Variants in PLCH2 observed in about 807,000 individuals in gnomAD.
PLCH2 encodes 1-phosphatidylinositol 4,5-bisphosphate phosphodiesterase eta-2.
PLCH2 carries 98 observed loss-of-function variants against 134.7 expected under a neutral mutation model. The observed-to-expected ratio is 0.73, with a 90% CI of 0.62 to 0.86. The LOEUF is 0.86. Ranked by LOEUF, PLCH2 falls within the 40% of genes least tolerant of loss-of-function variation. The pLI is 0.00. For synonymous variants in PLCH2, 974 were observed against 827.5 expected, an observed-to-expected ratio of 1.18 and a Z score of -3.04; for missense variants, 1,994 against 1,986.6, an observed-to-expected ratio of 1.00 and a Z score of -0.07.
At chr1:2,459,488 C>G (rs148641961) in intron 2 of PLCH2, among the ~76,000 whole-genome samples, 1,186 of 7,858 alleles carry the variant, frequency 0.15, 225 homozygotes, top group East Asian at 0.24. Context: ...GGTCCTCCTT[C>G]CTGGTGGTCC....
chr1:2,471,676 G>A (rs1200787682), upstream of PLCH2, among the ~76,000 whole-genome samples: 1 of 152,194 alleles, frequency 6.6e-6, no homozygotes, highest in African/African-American at 2.4e-5. Context: ...GGTGGAAGGT[G>A]GAGGGCAGGT....
chr1:2,427,293 C>T (rs908823016), intron 1 of PLCH2, among the ~76,000 whole-genome samples: 28 of 152,136 alleles, frequency 1.8e-4, no homozygotes, highest in African/African-American at 6.5e-4. Flanking sequence ...GCTGTCCCCT[C>T]ACCCTCTGGG....
chr1:2,458,523 GCTTTCACAGGAA>G (rs1011333285), intron 2 of PLCH2, among the ~76,000 whole-genome samples: 1 of 152,170 alleles, frequency 6.6e-6, no homozygotes, highest in African/African-American at 2.4e-5. Context: ...TGGCCTTCCT[GCTTTCACAGGAA>G]CTGGCAGGCC....
chr1:2,442,725 T>C (rs1639748019), intron 2 of PLCH2, among the ~76,000 whole-genome samples: 1 of 152,208 alleles, frequency 6.6e-6, no homozygotes, highest in Non-Finnish European at 1.5e-5. Context: ...GGCTGGAGGC[T>C]GGCCTTGTGG....
upstream of PLCH2, among the ~76,000 whole-genome samples, chr1:2,472,244 CAT>C (rs899801920): frequency 6.6e-6 from 1 of 152,178 alleles, no homozygotes; most frequent in Admixed American, 6.5e-5. Context: ...TAATCTCCGC[CAT>C]ATGTGTGTGG....
intron 2 of PLCH2, chr1:2,479,529 A>G: frequency 9.3e-6 from 5 of 538,864 alleles, no homozygotes; most frequent in East Asian, 2.9e-5. Context: ...GGAAAGGGGG[A>G]GGGACACGGG....
At chr1:2,456,087 G>T (rs1009939612) in intron 2 of PLCH2, among the ~76,000 whole-genome samples, 2 of 152,256 alleles carry the variant, frequency 1.3e-5, no homozygotes, top group African/African-American at 2.4e-5. Context: ...GTCGCCTGGG[G>T]CAGCATTGGC....
At chr1:2,468,434 G>A (rs551123660) in intron 1 of PLCH2, among the ~76,000 whole-genome samples, 1 of 152,248 alleles carries the variant, frequency 6.6e-6, no homozygotes, top group Admixed American at 6.5e-5. Flanking sequence ...AGGAGCTTCC[G>A]AGGGGCATCC....
intron 2 of PLCH2, among the ~76,000 whole-genome samples, chr1:2,443,643 C>G (rs1172550884): frequency 1.3e-5 from 2 of 150,192 alleles, no homozygotes; most frequent in Non-Finnish European, 3.0e-5. Flanking sequence ...CGGTTGCGCC[C>G]GATCTGCCTC....
At chr1:2,481,993 A>T (rs1368859302) in intron 4 of PLCH2, among the ~76,000 whole-genome samples, 1 of 152,246 alleles carries the variant, frequency 6.6e-6, no homozygotes, top group Non-Finnish European at 1.5e-5. Context: ...GCTTGAGGCT[A>T]ATTTCATCAA....
In PLCH2 at chr1:2,502,095, G is replaced by A. The variant is rs1304109201; in HGVS notation, c.2662-17G>A. ...TGGGACCCCTGGCAACAGCTACATG[G>A]GCTCCTTCTCTTGCAGGTCAAGCAG... On this transcript the variant is annotated splice_polypyrimidine_tract_variant and intron_variant, in intron 20 of 21. Coordinates refer to ENST00000378486, the MANE Select transcript of PLCH2 (RefSeq NM_014638.4). 2 of 1,425,640 alleles carry A rather than the reference G, an allele frequency of 1.4e-6. No individual in the cohort carries two copies. Among genetic ancestry groups the A allele is most frequent in the Non-Finnish European group, 1.8e-6 (2 of 1,094,070 alleles). The allele number at this position is 1,425,640 out of a possible 1,614,324, so 88.3% of individuals were successfully genotyped here. A position where few individuals can be genotyped will look rare whatever the true frequency, so the allele number is the denominator to read the frequency against.
rs1427937102 is a variant in PLCH2, at chr1:2,478,561, C to T, written c.210C>T (p.Tyr70=). ...CCAAGGGCCTGGTCCGCTTCTACTA[C>T]CTGGACGAGCACCGCTCCTGCATCC... ...GGSKGLVRFY[Y]LDEHRSCIRW... Residue 70 remains tyrosine, a synonymous_variant, in exon 2 of 22, where the codon TAC becomes TAT. Transcript: ENST00000378486. The T allele has an allele frequency of 2.5e-6, 4 of 1,612,696 alleles. No homozygotes were observed. Among genetic ancestry groups the T allele is most frequent in the Non-Finnish European group, 3.4e-6 (4 of 1,179,748 alleles).
At chr1:2,452,805 C>T (rs1032469941) in intron 2 of PLCH2, among the ~76,000 whole-genome samples, 4 of 152,174 alleles carry the variant, frequency 2.6e-5, no homozygotes, top group Admixed American at 2.6e-4. Context: ...CTCAGCTGAC[C>T]GCCGCTGGGC....
intron 1 of PLCH2, among the ~76,000 whole-genome samples, chr1:2,469,359 C>T (rs1010510489): frequency 5.3e-5 from 8 of 152,214 alleles, no homozygotes; most frequent in African/African-American, 9.6e-5. Flanking sequence ...GCCCACCCTC[C>T]GTGCCTGCGT....
chr1:2,419,657 A>G, the PLCH2 span, among the ~76,000 whole-genome samples: 44,364 of 151,870 alleles, frequency 0.29, 6,888 homozygotes, highest in East Asian at 0.5. Flanking sequence ...AGCTCAATGC[A>G]GGGATCCCCG....
Position 2,482,264 on chromosome 1 carries a change from G to A in PLCH2, c.645+1952G>A, listed in dbSNP as rs1231658425. Among the ~76,000 whole-genome samples the A allele has an allele frequency of 5.9e-5, 9 of 152,350 alleles. No individual in the cohort carries two copies. The East Asian group carries it at 1.2e-3, about 20-fold the overall frequency. ...GGCACATAGCCACTCTGTGGAGGGGGCCGCATCTCTGCCCAGCTCAGCCAC... is the reference window on the plus strand; with the variant it reads ...GGCACATAGCCACTCTGTGGAGGGGACCGCATCTCTGCCCAGCTCAGCCAC... On this transcript the variant is annotated intron_variant, in intron 4 of 21. Transcript: ENST00000378486.
chr1:2,465,417 C>T (rs1173419195), upstream of PLCH2, among the ~76,000 whole-genome samples: 1 of 152,188 alleles, frequency 6.6e-6, no homozygotes, highest in African/African-American at 2.4e-5. Flanking sequence ...GTCCTCCCAG[C>T]TGTGCCGGCC....
chr1:2,417,291 C>T, the PLCH2 span, among the ~76,000 whole-genome samples: 6 of 152,236 alleles, frequency 3.9e-5, no homozygotes, highest in East Asian at 9.7e-4. Context: ...GGAGGACTTC[C>T]TGGAGGAAGA....
At position 2,504,344 on chromosome 1, in the gene PLCH2, G is replaced by A. The variant is rs544405417; in HGVS notation, c.3382G>A (p.Asp1128Asn). ...CGTGTACTCCGATGCCACGGGCAGT[G>A]ACCCGCTGTGGCAGCGGCTGGAGCC... Reference protein sequence around the residue: ...PAVYSDATGSDPLWQRLEPCG... With the variant: ...PAVYSDATGSNPLWQRLEPCG... The change falls in exon 22 of 22, where the codon GAC becomes AAC. Residue 1128 changes from aspartate to asparagine, a missense_variant. Coordinates refer to ENST00000378486, the MANE Select transcript of PLCH2 (RefSeq NM_014638.4). 6 of 1,611,142 alleles carry A rather than the reference G, an allele frequency of 3.7e-6. No homozygotes were observed. The South Asian group carries it at 4.4e-5, about 12-fold the overall frequency.
Sources: allele counts gnomAD v4.1 joint callset (sites outside exome capture counted in the v4.1 genomes callset), GRCh38; gene constraint gnomAD v4.1.1; transcripts MANE v1.5; gene names NCBI Gene and HGNC (gene_info 2026-07-23, HGNC 2026-07-21).